The following PTCHD4 variants were observed in gnomAD, a reference collection of about 807,000 sequenced individuals.
PTCHD4 encodes the protein patched domain-containing protein 4.
PTCHD4 carries 33 observed loss-of-function variants against 58.1 expected under a neutral mutation model. That is an observed-to-expected ratio of 0.57 (90% CI 0.43 to 0.76). PTCHD4 has a LOEUF of 0.76. Ranked by LOEUF, PTCHD4 falls within the 30% of genes least tolerant of loss-of-function variation. The pLI is 0.00. For synonymous variants in PTCHD4, 478 were observed against 409.6 expected, an observed-to-expected ratio of 1.17 and a Z score of -2.02; for missense variants, 1,058 against 1,027.1, an observed-to-expected ratio of 1.03 and a Z score of -0.41.
chr6:48,077,952 C>T (rs1167958989), intron 1 of PTCHD4, among the ~76,000 whole-genome samples: 1 of 152,074 alleles, frequency 6.6e-6, no homozygotes, highest in African/African-American at 2.4e-5. Flanking sequence ...AATGTGATAT[C>T]TAGACACAAA....
chr6:47,901,001 A>C (rs1764677085), intron 4 of PTCHD4: 1 of 150,956 alleles, frequency 6.6e-6, no homozygotes, highest in African/African-American at 2.4e-5. Flanking sequence ...AAAAATACAA[A>C]AAATTAGCCG....
At chr6:48,049,974 G>T (rs1026941354) in intron 3 of PTCHD4, among the ~76,000 whole-genome samples, 2 of 151,864 alleles carry the variant, frequency 1.3e-5, no homozygotes, top group South Asian at 2.1e-4. Flanking sequence ...TTCTGTTTAC[G>T]TTGGCTTCTA....
intron 3 of PTCHD4, among the ~76,000 whole-genome samples, chr6:48,051,343 G>C (rs1004073729): frequency 9.2e-5 from 14 of 151,892 alleles, no homozygotes; most frequent in African/African-American, 2.7e-4. Flanking sequence ...CAACATCTTA[G>C]CTATAGTTAC....
chr6:47,897,333 C>T (rs1764555564), intron 4 of PTCHD4, among the ~76,000 whole-genome samples: 1 of 152,198 alleles, frequency 6.6e-6, no homozygotes, highest in Non-Finnish European at 1.5e-5. Context: ...ATTTCTCTCT[C>T]CTGCACTACT....
intron 4 of PTCHD4, among the ~76,000 whole-genome samples, chr6:47,895,751 A>G (rs897421332): frequency 6.6e-6 from 1 of 152,040 alleles, no homozygotes; most frequent in Non-Finnish European, 1.5e-5. Flanking sequence ...TTAAATTTCC[A>G]AAATTTGCTC....
At chr6:47,893,471 C>T (rs927549281) in intron 4 of PTCHD4, among the ~76,000 whole-genome samples, 3 of 152,118 alleles carry the variant, frequency 2.0e-5, no homozygotes, top group Admixed American at 6.5e-5. Flanking sequence ...ACTTTGGAGT[C>T]ATCATTTTAT....
At chr6:48,051,336 C>T (rs1764226810) in intron 3 of PTCHD4, among the ~76,000 whole-genome samples, 1 of 152,104 alleles carries the variant, frequency 6.6e-6, no homozygotes, top group Non-Finnish European at 1.5e-5. Context: ...AAATGCTCAA[C>T]ATCTTAGCTA....
intron 3 of PTCHD4, among the ~76,000 whole-genome samples, chr6:48,034,280 C>G (rs543982908): frequency 6.6e-6 from 1 of 152,098 alleles, no homozygotes; most frequent in South Asian, 2.1e-4. Context: ...GTACACATGA[C>G]CTAAAATGAC....
intron 1 of PTCHD4, among the ~76,000 whole-genome samples, chr6:48,106,646 A>G (rs2113918613): frequency 6.6e-6 from 1 of 152,330 alleles, no homozygotes; most frequent in African/African-American, 2.4e-5. Flanking sequence ...CAATTAGGAA[A>G]AGAGGAAGTC....
chr6:47,965,319 T>C (rs1379203435), intron 4 of PTCHD4, among the ~76,000 whole-genome samples: 1 of 152,198 alleles, frequency 6.6e-6, no homozygotes, highest in Non-Finnish European at 1.5e-5. Context: ...ATATCACCTG[T>C]AGATGTGAAG....
intron 4 of PTCHD4, among the ~76,000 whole-genome samples, chr6:47,920,781 A>T (rs1365044071): frequency 6.6e-6 from 1 of 152,222 alleles, no homozygotes; most frequent in Non-Finnish European, 1.5e-5. Flanking sequence ...ATAGACATGT[A>T]GGTTTAAAAA....
At chr6:48,060,819 G>A (rs1052526733) in intron 3 of PTCHD4, among the ~76,000 whole-genome samples, 1 of 152,180 alleles carries the variant, frequency 6.6e-6, no homozygotes, top group African/African-American at 2.4e-5. Context: ...TCCCAGGTGA[G>A]GTCTCTCCAT....
chr6:47,893,619 G>C (rs2114131277), intron 4 of PTCHD4, among the ~76,000 whole-genome samples: 1 of 152,316 alleles, frequency 6.6e-6, no homozygotes, highest in South Asian at 2.1e-4. Flanking sequence ...GCAAAATGGA[G>C]AGAATAACAG....
At chr6:47,914,744 T>TC (rs1554154028) in intron 4 of PTCHD4, among the ~76,000 whole-genome samples, 10,892 of 116,028 alleles carry the variant, frequency 0.094, 460 homozygotes, top group Middle Eastern at 0.18. Flanking sequence ...TATCTATCTA[T>TC]TATCTATCTA....
At position 47,963,645 on chromosome 6, in the gene PTCHD4, A is replaced by C. The variant is rs113732270; in HGVS notation, c.898+44989T>G. Among the ~76,000 whole-genome samples, 1,120 of 152,278 alleles carry C rather than the reference A, an allele frequency of 7.4e-3. 12 individuals carry two copies. Among genetic ancestry groups the C allele is most frequent in the African/African-American group, 0.025 (1,059 of 41,548 alleles). On this transcript the variant is annotated intron_variant, in intron 4 of 4. Transcript: ENST00000339488. ...TGGTACATATACACAATGATATACTATTCAGCCTTGAAAAAGAAGGAAATT... is the reference window on the plus strand; with the variant it reads ...TGGTACATATACACAATGATATACTCTTCAGCCTTGAAAAAGAAGGAAATT...
intron 4 of PTCHD4, among the ~76,000 whole-genome samples, chr6:47,982,481 C>CT (rs375869071): frequency 0.67 from 87,459 of 130,766 alleles, 29,207 homozygotes; most frequent in East Asian, 0.79. Flanking sequence ...TTATCTCTCT[C>CT]TTTTTTTTTT....
intron 1 of PTCHD4, among the ~76,000 whole-genome samples, chr6:48,101,439 T>C (rs1223578892): frequency 1.3e-5 from 2 of 152,310 alleles, no homozygotes; most frequent in Non-Finnish European, 2.9e-5. Flanking sequence ...ATAACCATAA[T>C]AGGGGATGTT....
chr6:48,093,964 T>C (rs1017903435), intron 1 of PTCHD4, among the ~76,000 whole-genome samples: 1 of 152,168 alleles, frequency 6.6e-6, no homozygotes, highest in African/African-American at 2.4e-5. Context: ...AAGAAAATAG[T>C]CTTATGCAAA....
At chr6:47,905,770 TA>T (rs2114156227) in intron 4 of PTCHD4, among the ~76,000 whole-genome samples, 1 of 152,346 alleles carries the variant, frequency 6.6e-6, no homozygotes, top group African/African-American at 2.4e-5. Context: ...AACTCTTGTC[TA>T]ATTATTTCCA....
Sources: gnomAD v4.1 joint callset for allele counts (sites outside exome capture counted in the v4.1 genomes callset) on GRCh38, gnomAD v4.1.1 for gene constraint, MANE v1.5 for transcripts, NCBI Gene and HGNC (gene_info 2026-07-23, HGNC 2026-07-21) for gene names.